FBXO42: variants seen among roughly 807,000 people sequenced by gnomAD.
The protein encoded by FBXO42 is F-box only protein 42.
A neutral mutation model predicts 71.7 loss-of-function variants in FBXO42; 12 were observed. The observed-to-expected ratio is 0.17, with a 90% CI of 0.11 to 0.27. The LOEUF is 0.27. Among genes scored for constraint, FBXO42 ranks in the 10% least tolerant of loss-of-function variants. The pLI is 1.00. For missense variants in FBXO42, 707 were observed against 911.9 expected (o/e 0.78, Z 2.89); for synonymous variants, 325 against 327.5 (o/e 0.99, Z 0.08).
At chr1:16,302,933 G>GA (rs1204869602) in intron 3 of FBXO42, among the ~76,000 whole-genome samples, 1 of 152,174 alleles carries the variant, frequency 6.6e-6, no homozygotes. Context: ...GACACATGGG[G>GA]ATTACCACTG....
At chr1:16,284,892 C>T (rs974716180) in intron 4 of FBXO42, among the ~76,000 whole-genome samples, 2 of 151,604 alleles carry the variant, frequency 1.3e-5, no homozygotes, top group Admixed American at 1.3e-4. Flanking sequence ...CGCTTGAACC[C>T]GGGAGGTGGA....
chr1:16,302,265 G>A (rs965069929), intron 3 of FBXO42, among the ~76,000 whole-genome samples: 22 of 152,152 alleles, frequency 1.4e-4, no homozygotes, highest in Admixed American at 1.0e-3. Context: ...AGGGCAGGCC[G>A]GGTGCGGTAG....
chr1:16,333,443 C>CT (rs1557605526), intron 1 of FBXO42, among the ~76,000 whole-genome samples: 16 of 137,090 alleles, frequency 1.2e-4, no homozygotes, highest in Non-Finnish European at 2.4e-4. Context: ...GAGACCCCCC[C>CT]CCCCCATTTC....
intron 4 of FBXO42, among the ~76,000 whole-genome samples, chr1:16,282,257 A>C (rs1173951719): frequency 6.9e-6 from 1 of 145,424 alleles, no homozygotes; most frequent in Non-Finnish European, 1.5e-5. Flanking sequence ...ACAGAGTCTC[A>C]CTCTGTCCCC....
chr1:16,252,997 T>A lies in FBXO42; in HGVS notation c.921+99A>T, dbSNP rs1456244614. 9.9e-7 allele frequency: 1 copy of A among 1,008,504 alleles called. No homozygotes were observed. Among genetic ancestry groups the A allele is most frequent in the East Asian group, 2.7e-5 (1 of 37,650 alleles). 62.5% of individuals were successfully genotyped at this position (1,008,504 alleles called of 1,614,324 possible). A position where few individuals can be genotyped will look rare whatever the true frequency, so the allele number is the denominator to read the frequency against. ...AAGCATTCCTTAAATTAAAATGCCATGGAAATAGTCTTGTATACTCCTAGA... is the reference window on the plus strand; with the variant it reads ...AAGCATTCCTTAAATTAAAATGCCAAGGAAATAGTCTTGTATACTCCTAGA... On this transcript the variant is annotated intron_variant, in intron 8 of 9. Coordinates refer to ENST00000375592, the MANE Select transcript of FBXO42 (RefSeq NM_018994.3). This position sits in a 1 kb window ranked among gnomAD's most constrained non-coding sequence, Gnocchi z 4.4.
chr1:16,315,735 G>A (rs1047801827), intron 1 of FBXO42, among the ~76,000 whole-genome samples: 7 of 152,078 alleles, frequency 4.6e-5, no homozygotes, highest in African/African-American at 1.7e-4. Flanking sequence ...TCTAACTCAA[G>A]GATCTGACTG....
At chr1:16,351,369 A>G (rs2082701523) in intron 1 of FBXO42, among the ~76,000 whole-genome samples, 1 of 152,230 alleles carries the variant, frequency 6.6e-6, no homozygotes, top group Non-Finnish European at 1.5e-5. Flanking sequence ...GGGGCCAGCA[A>G]CTGCCAGCAA....
At chr1:16,302,085 T>C (rs1404100254) in intron 3 of FBXO42, among the ~76,000 whole-genome samples, 2 of 152,022 alleles carry the variant, frequency 1.3e-5, no homozygotes, top group African/African-American at 2.4e-5. Flanking sequence ...AAAAGACAGA[T>C]GGTAATAAAT....
chr1:16,334,454 C>T (rs574538722), intron 1 of FBXO42, among the ~76,000 whole-genome samples: 2 of 148,582 alleles, frequency 1.3e-5, no homozygotes, highest in Non-Finnish European at 3.0e-5. Context: ...ACTGATTCTA[C>T]AGATAAGACT....
chr1:16,308,776 A>G (rs1186283772), intron 2 of FBXO42, among the ~76,000 whole-genome samples: 2 of 108,904 alleles, frequency 1.8e-5, no homozygotes, highest in Admixed American at 1.4e-4. Context: ...AAGGAGTCTC[A>G]CTCTGCTGCC....
chr1:16,334,302 G>A (rs921844297), intron 1 of FBXO42, among the ~76,000 whole-genome samples: 6 of 151,924 alleles, frequency 3.9e-5, no homozygotes, highest in African/African-American at 7.2e-5. Flanking sequence ...GTGTGGTGGC[G>A]GGTGCCTGTA....
chr1:16,274,856 C>T (rs1432340228), intron 4 of FBXO42, among the ~76,000 whole-genome samples: 1 of 152,042 alleles, frequency 6.6e-6, no homozygotes, highest in Non-Finnish European at 1.5e-5. Flanking sequence ...TCCCACAGTG[C>T]TGGGATTACA....
chr1:16,323,572 G>A (rs930943061), intron 1 of FBXO42, among the ~76,000 whole-genome samples: 5 of 150,522 alleles, frequency 3.3e-5, no homozygotes, highest in African/African-American at 4.9e-5. Context: ...TGAGGTGCGC[G>A]GATCTTTTGA....
At chr1:16,265,330 G>A (rs556095376) in intron 4 of FBXO42, among the ~76,000 whole-genome samples, 1 of 152,092 alleles carries the variant, frequency 6.6e-6, no homozygotes, top group East Asian at 1.9e-4. Flanking sequence ...ACCTCAGGTG[G>A]TCCTCCCGTC....
Position 16,319,743 on chromosome 1 carries a change from T to G in FBXO42, c.-17-4308A>C, listed in dbSNP as rs1416809034. ...CTGGCCAATATGGTGAAACTCCGTCTCTACTAAAAATACAAAAATTAGCCG... is the reference window on the plus strand; with the variant it reads ...CTGGCCAATATGGTGAAACTCCGTCGCTACTAAAAATACAAAAATTAGCCG... On this transcript the variant is annotated intron_variant, in intron 1 of 9. Transcript: ENST00000375592. 2.6e-5 allele frequency among the ~76,000 whole-genome samples: 4 copies of G among 151,802 alleles called. No individual in the cohort carries two copies. In the South Asian group the frequency reaches 6.2e-4, roughly 24 times the overall value.
At chr1:16,326,114 G>A (rs1172330104) in intron 1 of FBXO42, among the ~76,000 whole-genome samples, 1 of 149,228 alleles carries the variant, frequency 6.7e-6, no homozygotes, top group African/African-American at 2.4e-5. Flanking sequence ...GGAGTGCAAT[G>A]GCACGATCTC....
At chr1:16,312,543 C>T (rs2082323126) in intron 2 of FBXO42, among the ~76,000 whole-genome samples, 1 of 152,028 alleles carries the variant, frequency 6.6e-6, no homozygotes, top group Admixed American at 6.6e-5. Context: ...GGAGAGTATA[C>T]AGGATTTTTA....
intron 4 of FBXO42, among the ~76,000 whole-genome samples, chr1:16,279,364 A>T (rs1370541481): frequency 2.0e-5 from 3 of 152,176 alleles, no homozygotes; most frequent in Non-Finnish European, 4.4e-5. Flanking sequence ...TAGGAGTTTG[A>T]GGCTGCAGTG....
At chr1:16,350,332 A>G (rs139096900) in intron 1 of FBXO42, among the ~76,000 whole-genome samples, 452 of 152,260 alleles carry the variant, frequency 3.0e-3, no homozygotes, top group Middle Eastern at 0.01. Flanking sequence ...TTATTAGCAA[A>G]TTGATATGCA....
Sources: gnomAD v4.1 joint callset for allele counts (sites outside exome capture counted in the v4.1 genomes callset) on GRCh38, gnomAD v4.1.1 for gene constraint, Gnocchi (gnomAD v3.1) non-coding constraint, MANE v1.5 for transcripts, NCBI Gene and HGNC (gene_info 2026-07-23, HGNC 2026-07-21) for gene names.